Variants in UBE2W observed in about 807,000 individuals in gnomAD.
The protein encoded by UBE2W is ubiquitin-conjugating enzyme E2 W.
A neutral mutation model predicts 27.2 loss-of-function variants in UBE2W; 18 were observed. That is an observed-to-expected ratio of 0.66 (90% CI 0.46 to 0.98). The LOEUF is 0.98. UBE2W is among the 50% of genes least tolerant of loss of function. The pLI is 0.00. For synonymous variants in UBE2W, 53 were observed against 57.2 expected (o/e 0.93, Z 0.33); for missense variants, 90 against 180.2 (o/e 0.50, Z 2.87).
chr8:73,798,118 T>C (rs1437224478), intron 5 of UBE2W, among the ~76,000 whole-genome samples: 2 of 152,064 alleles, frequency 1.3e-5, no homozygotes, highest in Non-Finnish European at 1.5e-5. Context: ...TGAAATCCCA[T>C]CTATACCCCC....
chr8:73,794,855 AAAAAAAAAAAAAAAG>A (rs1358068465), intron 5 of UBE2W, among the ~76,000 whole-genome samples: 2 of 140,100 alleles, frequency 1.4e-5, no homozygotes. Flanking sequence ...TCTGTCTCAT[AAAAAAAAAAAAAAAG>A]AAAAAAAAAA....
chr8:73,875,865 C>T (rs1186906581), intron 1 of UBE2W, among the ~76,000 whole-genome samples: 1 of 152,018 alleles, frequency 6.6e-6, no homozygotes. Flanking sequence ...GCCTGGCCAA[C>T]ATGGCAAAAC....
intron 2 of UBE2W, among the ~76,000 whole-genome samples, chr8:73,828,561 G>A (rs1010323584): frequency 6.6e-6 from 1 of 152,070 alleles, no homozygotes; most frequent in African/African-American, 2.4e-5. Context: ...TGTATGGTAG[G>A]TCAAACATGA....
In UBE2W at chr8:73,794,116, CT is replaced by C. The variant is rs144174398; in HGVS notation, c.443-2del. ...TAACAGTGGCATCAACAAGTATCAT[CT>C]TTAAGAAAAGGAGAAAAAAGATAAT... On this transcript the variant is annotated splice_acceptor_variant, in intron 5 of 5. Transcript: ENST00000602593. LOFTEE classifies it high-confidence loss of function. 0.039 allele frequency: 63,648 copies of C among 1,613,010 alleles called. 1,498 individuals are homozygous for C. Among genetic ancestry groups the C allele is most frequent in the Non-Finnish European group, 0.047 (55,195 of 1,179,432 alleles).
chr8:73,784,490 A>G (rs566870871), downstream of UBE2W, among the ~76,000 whole-genome samples: 1 of 152,192 alleles, frequency 6.6e-6, no homozygotes. Context: ...GTCTGTTTAT[A>G]TTTCTGCTGG....
chr8:73,785,169 T>C (rs976706862), downstream of UBE2W, among the ~76,000 whole-genome samples: 1 of 152,290 alleles, frequency 6.6e-6, no homozygotes, highest in South Asian at 2.1e-4. Context: ...TTTTTTTAGA[T>C]GGAGTCTTGC....
At chr8:73,838,215 G>GCTCC (rs1437336356) in intron 1 of UBE2W, among the ~76,000 whole-genome samples, 1 of 152,140 alleles carries the variant, frequency 6.6e-6, no homozygotes, top group Non-Finnish European at 1.5e-5. Flanking sequence ...CTAGCAGCCA[G>GCTCC]CTCCCTTTCT....
At chr8:73,865,894 GC>G (rs1563633239) in intron 1 of UBE2W, among the ~76,000 whole-genome samples, 2 of 152,194 alleles carry the variant, frequency 1.3e-5, no homozygotes, top group South Asian at 4.1e-4. Context: ...CACCTGAGAT[GC>G]CCTCTGGCTC....
intron 1 of UBE2W, among the ~76,000 whole-genome samples, chr8:73,876,609 G>C (rs547563683): frequency 6.6e-6 from 1 of 152,314 alleles, no homozygotes; most frequent in Non-Finnish European, 1.5e-5. Context: ...GTCTGAGATA[G>C]TAATACTTAG....
At chr8:73,814,937 G>T (rs1240224522) in intron 3 of UBE2W, among the ~76,000 whole-genome samples, 1 of 152,178 alleles carries the variant, frequency 6.6e-6, no homozygotes, top group African/African-American at 2.4e-5. Flanking sequence ...TATCATTTTG[G>T]AGATAAGTAT....
intron 5 of UBE2W, 118 bp from the exon 6 acceptor site, chr8:73,794,233 G>T: frequency 1.6e-6 from 2 of 1,251,750 alleles, no homozygotes; most frequent in Non-Finnish European, 2.2e-6. Flanking sequence ...TTACATGTCT[G>T]ATCTGCCTCC....
At chr8:73,857,026 G>A (rs937205272) in intron 1 of UBE2W, among the ~76,000 whole-genome samples, 13 of 152,202 alleles carry the variant, frequency 8.5e-5, no homozygotes, top group East Asian at 7.7e-4. Context: ...AAAATGAACC[G>A]CTAACTTTAT....
intron 5 of UBE2W, among the ~76,000 whole-genome samples, chr8:73,794,566 T>A (rs1329666604): frequency 1.3e-5 from 2 of 152,118 alleles, no homozygotes; most frequent in Non-Finnish European, 2.9e-5. Flanking sequence ...TGAGATACAA[T>A]CTCCAAATCA....
intron 4 of UBE2W, among the ~76,000 whole-genome samples, chr8:73,809,694 C>T (rs1276755286): frequency 3.3e-5 from 5 of 152,138 alleles, no homozygotes; most frequent in Non-Finnish European, 7.4e-5. Flanking sequence ...ATTCTCCTAC[C>T]TCAGTCTCCT....
intron 2 of UBE2W, among the ~76,000 whole-genome samples, chr8:73,828,519 C>A (rs1011898545): frequency 7.2e-5 from 11 of 152,110 alleles, no homozygotes; most frequent in Non-Finnish European, 1.5e-4. Context: ...AGTTCTAAGT[C>A]TTTTTCTAGA....
At chr8:73,854,819 C>A (rs935866521) in intron 1 of UBE2W, among the ~76,000 whole-genome samples, 1 of 152,118 alleles carries the variant, frequency 6.6e-6, no homozygotes, top group Non-Finnish European at 1.5e-5. Context: ...TGACCAGAAG[C>A]CTTCTGTTAT....
At chr8:73,871,918 G>T (rs903784685) in intron 1 of UBE2W, among the ~76,000 whole-genome samples, 4 of 151,722 alleles carry the variant, frequency 2.6e-5, no homozygotes, top group African/African-American at 9.7e-5. Flanking sequence ...TTTGAGACAG[G>T]GTCTCACTCT....
intron 1 of UBE2W, among the ~76,000 whole-genome samples, chr8:73,862,394 C>T (rs1270652582): frequency 6.6e-6 from 1 of 152,198 alleles, no homozygotes; most frequent in Non-Finnish European, 1.5e-5. Flanking sequence ...GTTTTCCCAG[C>T]ACCATTTATT....
At chr8:73,862,518 C>T (rs1184781121) in intron 1 of UBE2W, among the ~76,000 whole-genome samples, 1 of 151,366 alleles carries the variant, frequency 6.6e-6, no homozygotes, top group Non-Finnish European at 1.5e-5. Context: ...TAGGCATGGG[C>T]AAGGACTTCA....
Sources: allele counts gnomAD v4.1 joint callset (sites outside exome capture counted in the v4.1 genomes callset), GRCh38; gene constraint gnomAD v4.1.1; transcripts MANE v1.5; gene names NCBI Gene and HGNC (gene_info 2026-07-23, HGNC 2026-07-21).